Variants in FBXW4 observed in about 807,000 individuals in gnomAD.
The protein encoded by FBXW4 is F-box and WD repeat domain containing 4, also known as F-box/WD repeat-containing protein 4.
A neutral mutation model predicts 61.8 loss-of-function variants in FBXW4; 40 were observed. The observed-to-expected ratio is 0.65, with a 90% CI of 0.50 to 0.84. The LOEUF (loss-of-function observed/expected upper bound fraction) is 0.84, where lower values mean the gene tolerates loss of function less well. FBXW4 is among the 40% of genes least tolerant of loss of function. FBXW4 has a pLI of 0.00. For missense variants in FBXW4, 672 were observed against 753.8 expected (o/e 0.89, Z 1.27); for synonymous variants, 311 against 313.8 (o/e 0.99, Z 0.10).
chr10:101,641,692 C>CT (rs1045399320), intron 5 of FBXW4, among the ~76,000 whole-genome samples: 11 of 149,994 alleles, frequency 7.3e-5, no homozygotes, highest in Admixed American at 4.0e-4. Context: ...CTCTCACTCT[C>CT]TTTTTTTTTA....
rs559840851 is a variant in FBXW4 at position 101,689,431 on chromosome 10, T to C, written c.725+4950A>G. ...TCCTGCTTCCACAGGTGTACTGTTTTATTTTGAACCTGTAAACTAAACTCT... is the reference window on the plus strand; with the variant it reads ...TCCTGCTTCCACAGGTGTACTGTTTCATTTTGAACCTGTAAACTAAACTCT... On this transcript the variant is annotated intron_variant, in intron 1 of 8. Coordinates refer to ENST00000331272, the MANE Select transcript of FBXW4 (RefSeq NM_022039.4). Among the ~76,000 whole-genome samples, 403 of 152,374 alleles carry C rather than the reference T, an allele frequency of 2.6e-3. 1 individual carries two copies. Among genetic ancestry groups the C allele is most frequent in the Middle Eastern group, 6.8e-3 (2 of 294 alleles).
intron 7 of FBXW4, 92 bp downstream of exon 7, chr10:101,612,245 T>A: frequency 7.5e-7 from 1 of 1,329,148 alleles, no homozygotes; most frequent in Non-Finnish European, 9.7e-7. Context: ...GGAGTCTCTG[T>A]GCCCTCTCCC....
In FBXW4 at chr10:101,687,382, G is replaced by C. The variant is rs144754776; in HGVS notation, c.725+6999C>G. ...CAACCCACACAGCCAGTGAGCATAA[G>C]ACTTCTCTTTCTCTACTTTCTTAAA... On this transcript the variant is annotated intron_variant, in intron 1 of 8. Transcript: ENST00000331272. 9.6e-3 allele frequency among the ~76,000 whole-genome samples: 1,459 copies of C among 152,214 alleles called. 22 individuals carry two copies. Among genetic ancestry groups the C allele is most frequent in the African/African-American group, 0.03 (1,243 of 41,518 alleles).
chr10:101,694,819 C>G lies in FBXW4; in HGVS notation c.287G>C (p.Arg96Thr). ...EGGRSVEEGA[R>T]GIVKGVEGSA... The stretch of plus-strand genomic sequence containing the variant: ...CCCCTCGACTCCCTTGACGATGCCT[C>G]TCGCCCCTTCCTCCACGCTTCTGCC... Residue 96 changes from arginine to threonine, a missense_variant, in exon 1 of 9, where the codon AGA becomes ACA. Coordinates refer to ENST00000331272, the MANE Select transcript of FBXW4 (RefSeq NM_022039.4). This position sits in a 1 kb window ranked among gnomAD's most constrained non-coding sequence, Gnocchi z 6.0. 7.6e-7 allele frequency: 1 copy of G among 1,312,970 alleles called. No homozygotes were observed. The allele number at this position is 1,312,970 out of a possible 1,614,324, so 81.3% of individuals were successfully genotyped here.
At chr10:101,649,062 A>G (rs538560747) in intron 5 of FBXW4, among the ~76,000 whole-genome samples, 6 of 152,230 alleles carry the variant, frequency 3.9e-5, no homozygotes, top group Non-Finnish European at 8.8e-5. Flanking sequence ...TTATATTTTT[A>G]AAGGAAAAAA....
chr10:101,673,534 C>T lies in FBXW4; in HGVS notation c.961G>A (p.Val321Ile), dbSNP rs150456583. Residue 321 changes from valine to isoleucine, a missense_variant, in exon 3 of 9, where the codon GTT becomes ATT. Val to Ile is a conservative substitution (Grantham distance 29). Transcript: ENST00000331272. ...GAGTTGGCCAGCACAAAGTGGCAAA[C>T]GTCCTCATCATGCCCAGCAAAGACT... is the stretch of plus-strand genomic sequence containing the variant. ...LGVFAGHDEDVCHFVLANSHI... is the reference protein window; with the variant it reads ...LGVFAGHDEDICHFVLANSHI... 85 of 1,613,964 alleles carry T rather than the reference C, an allele frequency of 5.3e-5. 1 individual carries two copies. The Admixed American group carries it at 9.5e-4, about 18-fold the overall frequency.
intron 7 of FBXW4, 80 bp downstream of exon 7, chr10:101,612,257 T>C: frequency 7.2e-7 from 1 of 1,386,442 alleles, no homozygotes; most frequent in Non-Finnish European, 9.4e-7. Context: ...CCCTCTCCCA[T>C]GGGCCAACCC....
Position 101,660,071 on chromosome 10 carries a change from A to AAAGG in FBXW4, c.1235+7811_1235+7814dup, listed in dbSNP as rs575934939. The AAAGG allele has an allele frequency of 2.3e-5, 23 of 985,338 alleles. No individual in the cohort carries two copies. The African/African-American group carries it at 3.7e-4, about 16-fold the overall frequency. The allele number at this position is 985,338 out of a possible 1,614,324, so 61.0% of individuals were successfully genotyped here. Reference sequence around the variant, plus strand: ...CCCTTTCCTACCTGCCCCATGGCCCAAAGGAAGGAAGGGCGGGAGGGGTCG... The same window carrying AAAGG: ...CCCTTTCCTACCTGCCCCATGGCCCAAAGGAAGGAAGGAAGGGCGGGAGGGGTCG... On this transcript the variant is annotated intron_variant, in intron 5 of 8. Coordinates refer to ENST00000331272, the MANE Select transcript of FBXW4 (RefSeq NM_022039.4).
rs1452171232 is a variant in FBXW4 at position 101,694,932 on chromosome 10, CCCTTCCGCCCCGCTTCCTCTTCCG to C, written c.150_173del (p.Gly51_Gly58del). ...CCTTCGCCGTCTGCGGCCCGGGCTT[CCCTTCCGCCCCGCTTCCTCTTCCG>C]CCTTGCCCCGCTCTCGCTTTTCCCT... is the stretch of plus-strand genomic sequence containing the variant. On this transcript the variant is annotated inframe_deletion, in exon 1 of 9. Transcript: ENST00000331272. This position sits in a 1 kb window ranked among gnomAD's most constrained non-coding sequence, Gnocchi z 6.0. 13 of 1,235,612 alleles carry C rather than the reference CCCTTCCGCCCCGCTTCCTCTTCCG, an allele frequency of 1.1e-5. No individual in the cohort carries two copies. Among genetic ancestry groups the C allele is most frequent in the Non-Finnish European group, 1.3e-5 (13 of 989,904 alleles). 76.5% of individuals were successfully genotyped at this position (1,235,612 alleles called of 1,614,324 possible). A position where few individuals can be genotyped will look rare whatever the true frequency, so the allele number is the denominator to read the frequency against.
At chr10:101,647,176 T>C (rs2064107433) in intron 5 of FBXW4, among the ~76,000 whole-genome samples, 1 of 152,218 alleles carries the variant, frequency 6.6e-6, no homozygotes, top group Non-Finnish European at 1.5e-5. Flanking sequence ...TGGGCAGGGA[T>C]GCCTACAATG....
rs2134932203 is a variant in FBXW4, at chr10:101,694,446, A to T, written c.660T>A (p.Asp220Glu). 3 of 1,536,698 alleles carry T rather than the reference A, an allele frequency of 2.0e-6. No homozygotes were observed. The East Asian group carries it at 7.9e-5, about 40-fold the overall frequency. Residue 220 changes from aspartate to glutamate, a missense_variant, in exon 1 of 9, where the codon GAT becomes GAA. By Grantham distance (45) the Asp-to-Glu change is conservative (BLOSUM62 2). This residue lies in a region of FBXW4 where 311 missense variants were observed against 301.1 expected (regional missense o/e 1.03). Coordinates refer to ENST00000331272, the MANE Select transcript of FBXW4 (RefSeq NM_022039.4). The surrounding 1 kb of genome is among the most constrained non-coding windows in gnomAD (Gnocchi z 6.0). Reference protein sequence around the residue: ...CRWLRRFTSCDLLWRRIARAS... With the variant: ...CRWLRRFTSCELLWRRIARAS... ...CCCGGGCTATCCGGCGCCAGAGCAG[A>T]TCGCAGCTGGTGAAGCGCCGCAGCC...
Position 101,611,109 on chromosome 10 carries a change from T to C in FBXW4, c.*182A>G. The C allele has an allele frequency of 1.4e-6, 1 of 713,202 alleles. No homozygotes were observed. Among genetic ancestry groups the C allele is most frequent in the Non-Finnish European group, 2.2e-6 (1 of 448,380 alleles). The allele number at this position is 713,202 out of a possible 1,614,324, so 44.2% of individuals were successfully genotyped here. ...CAACAGGTTCCTGGGAGGGACTGCA[T>C]CTCTGGTAAGCTCCAAAGTCCCAGG... On this transcript the variant is annotated 3_prime_UTR_variant, in exon 9 of 9. Transcript: ENST00000331272. This position sits in a 1 kb window ranked among gnomAD's most constrained non-coding sequence, Gnocchi z 4.9.
chr10:101,676,872 T>C (rs767550994), intron 1 of FBXW4, among the ~76,000 whole-genome samples: 9 of 152,114 alleles, frequency 5.9e-5, no homozygotes, highest in Non-Finnish European at 1.3e-4. Flanking sequence ...AAGGTAGACA[T>C]AGATTTCTTA....
chr10:101,658,057 A>G (rs1462855472), intron 5 of FBXW4, among the ~76,000 whole-genome samples: 1 of 152,186 alleles, frequency 6.6e-6, no homozygotes, highest in Non-Finnish European at 1.5e-5. Context: ...ACTAAGACTC[A>G]CTGATTCAGA....
At chr10:101,629,251 A>G (rs1410154528) in intron 5 of FBXW4, among the ~76,000 whole-genome samples, 1 of 151,792 alleles carries the variant, frequency 6.6e-6, no homozygotes, top group Non-Finnish European at 1.5e-5. Context: ...GCATTATCCT[A>G]TGTAATCCTC....
At chr10:101,653,060 G>A (rs2064157449) in intron 5 of FBXW4, among the ~76,000 whole-genome samples, 1 of 152,146 alleles carries the variant, frequency 6.6e-6, no homozygotes, top group African/African-American at 2.4e-5. Flanking sequence ...CCACCTGACT[G>A]TCCCATAAAA....
rs1351434934 is a variant in FBXW4 at position 101,616,820 on chromosome 10, A to G, written c.1302-4343T>C. ...GTGGCAGACAGCCATGAGGCTTTTG[A>G]ACAAACAGTGATTGTCCTAGTCCAG... On this transcript the variant is annotated intron_variant, in intron 6 of 8. Transcript: ENST00000331272. 4.6e-5 allele frequency among the ~76,000 whole-genome samples: 7 copies of G among 152,376 alleles called. No individual in the cohort carries two copies. In the South Asian group the frequency reaches 8.3e-4, roughly 18 times the overall value.
intron 1 of FBXW4, among the ~76,000 whole-genome samples, chr10:101,689,765 A>G (rs1052253798): frequency 7.9e-5 from 12 of 152,198 alleles, no homozygotes; most frequent in Non-Finnish European, 1.5e-4. Flanking sequence ...TTTTAAAACA[A>G]ATAAACACAC....
At chr10:101,677,827 C>T (rs926866441) in intron 1 of FBXW4, among the ~76,000 whole-genome samples, 1 of 150,146 alleles carries the variant, frequency 6.7e-6, no homozygotes, top group East Asian at 1.9e-4. Flanking sequence ...AAATGATACA[C>T]AAGATTTGTG....
Sources: gnomAD v4.1 joint callset for allele counts (sites outside exome capture counted in the v4.1 genomes callset) on GRCh38, gnomAD v4.1.1 for gene constraint, gnomAD v4.1.1 regional missense constraint, Gnocchi (gnomAD v3.1) non-coding constraint, MANE v1.5 for transcripts, NCBI Gene and HGNC (gene_info 2026-07-23, HGNC 2026-07-21) for gene names.